The following SHTN1 variants were observed in gnomAD, a reference collection of about 807,000 sequenced individuals.
SHTN1 encodes the protein shootin-1.
Under a neutral mutation model 83.1 loss-of-function variants are expected in SHTN1, and 42 were observed. The ratio of observed to expected loss-of-function variants is 0.51; its 90% CI spans 0.39 to 0.65. The LOEUF (loss-of-function observed/expected upper bound fraction) is 0.65, where lower values mean the gene tolerates loss of function less well. Ranked by LOEUF, SHTN1 falls within the 30% of genes least tolerant of loss-of-function variation. SHTN1 has a pLI of 0.00. For missense variants in SHTN1, 622 were observed against 737.8 expected (o/e 0.84, Z 1.82); for synonymous variants, 224 against 247.7 (o/e 0.90, Z 0.90).
At chr10:117,069,572 A>G (rs1257174337) in intron 1 of SHTN1, among the ~76,000 whole-genome samples, 2 of 152,226 alleles carry the variant, frequency 1.3e-5, no homozygotes, top group Non-Finnish European at 2.9e-5. Flanking sequence ...TTCAAACCAG[A>G]TAATATAAAT....
chr10:117,104,289 TAGTA>T (rs1207986331), intron 1 of SHTN1, among the ~76,000 whole-genome samples: 2 of 152,176 alleles, frequency 1.3e-5, no homozygotes, highest in African/African-American at 4.8e-5. Flanking sequence ...ATTTTTTTCT[TAGTA>T]AGCATGCTAA....
At chr10:117,084,571 C>G (rs1172955826) in intron 1 of SHTN1, among the ~76,000 whole-genome samples, 1 of 152,180 alleles carries the variant, frequency 6.6e-6, no homozygotes, top group African/African-American at 2.4e-5. Context: ...CCACCCAGTT[C>G]GAGCTTCCCG....
At chr10:117,087,873 CAGG>C (rs1280397599) in intron 1 of SHTN1, among the ~76,000 whole-genome samples, 2 of 152,110 alleles carry the variant, frequency 1.3e-5, no homozygotes, top group African/African-American at 4.8e-5. Flanking sequence ...GAGGCCGAGG[CAGG>C]AGGACTGCTT....
intron 11 of SHTN1, among the ~76,000 whole-genome samples, chr10:116,924,808 A>C (rs1848685782): frequency 8.0e-6 from 1 of 124,518 alleles, no homozygotes; most frequent in Admixed American, 1.1e-4. Flanking sequence ...CCCAGGCTGG[A>C]GTGCAGTGGC....
chr10:116,887,800 G>A (rs1270380080), intron 16 of SHTN1, among the ~76,000 whole-genome samples: 2 of 152,146 alleles, frequency 1.3e-5, no homozygotes, highest in Non-Finnish European at 2.9e-5. Context: ...CTAAACGAAT[G>A]GGCAAATACT....
At chr10:116,916,465 G>T (rs1848386999) in intron 12 of SHTN1, among the ~76,000 whole-genome samples, 1 of 152,130 alleles carries the variant, frequency 6.6e-6, no homozygotes, top group African/African-American at 2.4e-5. Context: ...TGGCAATATG[G>T]TGGGCACTCA....
At chr10:117,039,713 C>T (rs1300301878) in intron 2 of SHTN1, among the ~76,000 whole-genome samples, 3 of 151,658 alleles carry the variant, frequency 2.0e-5, no homozygotes, top group Non-Finnish European at 4.4e-5. Flanking sequence ...ATTAGCCGGG[C>T]GTGGTGGTGG....
At chr10:116,887,619 C>A (rs1421041817) in intron 16 of SHTN1, among the ~76,000 whole-genome samples, 1 of 152,144 alleles carries the variant, frequency 6.6e-6, no homozygotes, top group East Asian at 1.9e-4. Context: ...TTCAGCAGGT[C>A]AGAGCTGGCA....
chr10:117,027,589 C>T (rs1852350184), intron 2 of SHTN1, among the ~76,000 whole-genome samples: 1 of 152,024 alleles, frequency 6.6e-6, no homozygotes, highest in East Asian at 1.9e-4. Flanking sequence ...AGCTCTGCCT[C>T]CCAGGTTCAT....
At chr10:116,917,624 C>T (rs1848423823) in intron 12 of SHTN1, among the ~76,000 whole-genome samples, 1 of 152,156 alleles carries the variant, frequency 6.6e-6, no homozygotes, top group Admixed American at 6.5e-5. Context: ...TAAGGAATGA[C>T]TGAAACCCAA....
At chr10:117,063,004 C>G (rs769407725) in intron 1 of SHTN1, among the ~76,000 whole-genome samples, 1 of 152,160 alleles carries the variant, frequency 6.6e-6, no homozygotes, top group African/African-American at 2.4e-5. Flanking sequence ...CTGGAATTCA[C>G]TGGATAATAC....
At chr10:117,087,757 A>G (rs1853371034) in intron 1 of SHTN1, among the ~76,000 whole-genome samples, 1 of 152,254 alleles carries the variant, frequency 6.6e-6, no homozygotes, top group Non-Finnish European at 1.5e-5. Context: ...GAAAGCAAAA[A>G]GACAAACTAC....
At chr10:116,973,766 A>G (rs1300260586) in intron 2 of SHTN1, 1 of 793,084 alleles carries the variant, frequency 1.3e-6, no homozygotes, top group Non-Finnish European at 1.8e-6. Flanking sequence ...ATGCTACACC[A>G]TTTTTCTTGA....
rs371309783 is a variant in SHTN1, at chr10:116,942,884, TAAAATGC to T, written c.711+2033_711+2039del. ...TTTGCTGCATGCCCTAAGTGGTAAG[TAAAATGC>T]AAAAGAATGGGACTCTGTTGTTAAA... is the stretch of plus-strand genomic sequence containing the variant. On this transcript the variant is annotated intron_variant, in intron 8 of 16. Transcript: ENST00000355371. Among the ~76,000 whole-genome samples, 596 of 152,272 alleles carry T rather than the reference TAAAATGC, an allele frequency of 3.9e-3. 6 individuals carry two copies. The highest frequency in any genetic ancestry group is 0.014 in the African/African-American group (565 of 41,564).
chr10:117,096,309 AT>A (rs1281699435), intron 1 of SHTN1, among the ~76,000 whole-genome samples: 2 of 152,326 alleles, frequency 1.3e-5, no homozygotes, highest in East Asian at 3.9e-4. Context: ...CCAAACAAAG[AT>A]TTTGTAGTAC....
chr10:116,886,529 C>T lies in SHTN1; in HGVS notation c.1711G>A (p.Asp571Asn). 2 of 1,614,078 alleles carry T rather than the reference C, an allele frequency of 1.2e-6. No individual in the cohort carries two copies. Among genetic ancestry groups the T allele is most frequent in the Non-Finnish European group, 1.7e-6 (2 of 1,180,026 alleles). The change falls in exon 17 of 17, where the codon GAC becomes AAC. Residue 571 changes from aspartate to asparagine, a missense_variant. By Grantham distance (23) the Asp-to-Asn change is conservative. Transcript: ENST00000355371. ...ACTGGTTCGGCTTGTTTTTCACCGTCAATGTATTTTTTCCTGCATCCAATG... is the reference window on the plus strand; with the variant it reads ...ACTGGTTCGGCTTGTTTTTCACCGTTAATGTATTTTTTCCTGCATCCAATG... ...SSIGCRKKYI[D>N]GEKQAEPVVV... is the part of the protein sequence containing the mutation.
chr10:116,926,635 CAGCAAAGGTGCAAAG>C (rs1317474857), intron 11 of SHTN1, among the ~76,000 whole-genome samples: 1 of 150,788 alleles, frequency 6.6e-6, no homozygotes, highest in African/African-American at 2.4e-5. Context: ...TCAGATGGAT[CAGCAAAGGTGCAAAG>C]TATGAATAAA....
intron 10 of SHTN1, among the ~76,000 whole-genome samples, chr10:116,928,880 C>T (rs1354627651): frequency 1.3e-5 from 2 of 152,278 alleles, no homozygotes; most frequent in African/African-American, 4.8e-5. Flanking sequence ...GGTACACACA[C>T]AGCAGATAAT....
At chr10:116,950,061 G>A (rs1331182623) in intron 6 of SHTN1, among the ~76,000 whole-genome samples, 3 of 152,130 alleles carry the variant, frequency 2.0e-5, no homozygotes, top group South Asian at 2.1e-4. Flanking sequence ...AGGGAAACTG[G>A]GCAGGGAGCA....
Sources: allele counts gnomAD v4.1 joint callset (sites outside exome capture counted in the v4.1 genomes callset), GRCh38; gene constraint gnomAD v4.1.1; transcripts MANE v1.5; gene names NCBI Gene and HGNC (gene_info 2026-07-23, HGNC 2026-07-21).